The following FAM110C variants were observed in gnomAD, a reference collection of about 807,000 sequenced individuals.
The protein encoded by FAM110C is protein FAM110C.
A neutral mutation model predicts 15.7 loss-of-function variants in FAM110C; 19 were observed. That is an observed-to-expected ratio of 1.21 (90% CI 0.85 to 1.78). The LOEUF is 1.78. Among genes scored for constraint, FAM110C ranks in the 40% most tolerant of loss-of-function variants. The pLI, the probability that FAM110C is intolerant of heterozygous loss-of-function variation, is 0.00. For synonymous variants in FAM110C, 275 were observed against 233.9 expected (o/e 1.18, Z -1.61); for missense variants, 547 against 495.7 (o/e 1.10, Z -0.98).
intron 1 of FAM110C, chr2:42,131 C>T: frequency 1.0e-6 from 1 of 985,398 alleles, no homozygotes; most frequent in Non-Finnish European, 1.2e-6. Context: ...AAATGTGCTC[C>T]TAGTCGCATA....
chr2:42,700 T>C, intron 1 of FAM110C: 1 of 423,726 alleles, frequency 2.4e-6, no homozygotes, highest in South Asian at 9.9e-5. Context: ...TAAACGTATT[T>C]AGTTCTATTA....
intron 1 of FAM110C, chr2:43,994 A>G (rs1177098932): frequency 3.7e-5 from 36 of 985,404 alleles, no homozygotes; most frequent in Non-Finnish European, 4.1e-5. Flanking sequence ...AACATAAGAC[A>G]GGCCCTTAAT....
Position 46,111 on chromosome 2 carries a change from C to A in FAM110C, c.275G>T (p.Arg92Leu). The change falls in exon 1 of 2, where the codon CGG (arginine) becomes CTG (leucine). Residue 92 changes from arginine (R) to leucine (L), a missense_variant. Arg to Leu is a moderately radical substitution (Grantham distance 102). Transcript: ENST00000327669. ...CAGCGAGTCCGGTCTCAACGGCTTC[C>A]GCGCAATAGCCCTGCGCGCCACCGG... Reference protein sequence around the residue: ...PAPVARRAIARKPLRPDSLII... With the variant: ...PAPVARRAIALKPLRPDSLII... 2.0e-6 allele frequency: 3 copies of A among 1,497,812 alleles called. No individual in the cohort carries two copies. Among genetic ancestry groups the A allele is most frequent in the Admixed American group, 2.3e-5 (1 of 44,248 alleles). 92.8% of individuals were successfully genotyped at this position (1,497,812 alleles called of 1,614,324 possible).
rs1239624121 is a variant in FAM110C, at chr2:46,327, G to C, written c.59C>G (p.Pro20Arg). Residue 20 changes from proline (P) to arginine (R), a missense_variant, in exon 1 of 2, where the codon CCC becomes CGC. Transcript: ENST00000327669. Reference protein sequence around the residue: ...PPNERLLPRDPAATRDPDAAR... With the variant: ...PPNERLLPRDRAATRDPDAAR... ...GGCGTCGGGGTCCCGGGTAGCCGCG[G>C]GGTCCCGGGGAAGGAGCCGCTCGTT... 3.8e-6 allele frequency: 5 copies of C among 1,320,812 alleles called. No individual in the cohort carries two copies. Among genetic ancestry groups the C allele is most frequent in the Non-Finnish European group, 4.8e-6 (5 of 1,042,040 alleles). 81.8% of individuals were successfully genotyped at this position (1,320,812 alleles called of 1,614,324 possible). A position where few individuals can be genotyped will look rare whatever the true frequency, so the allele number is the denominator to read the frequency against.
intron 1 of FAM110C, 197 bp downstream of exon 1, chr2:45,243 G>T: frequency 1.0e-6 from 1 of 985,392 alleles, no homozygotes; most frequent in South Asian, 4.7e-5. Flanking sequence ...GCCTGGATTG[G>T]TACCTTCTGC....
At chr2:45,269 G>T (rs543791427) in intron 1 of FAM110C, 171 bp downstream of exon 1, 1 of 985,380 alleles carries the variant, frequency 1.0e-6, no homozygotes, top group East Asian at 1.1e-4. Flanking sequence ...AGCAGCGGGG[G>T]CTCAACTCAC....
rs962525452 is a variant in FAM110C at position 39,065 on chromosome 2, G to A, written c.*2543C>T. The A allele has an allele frequency of 2.0e-5, 3 of 152,216 alleles. No homozygotes were observed. Among genetic ancestry groups the A allele is most frequent in the African/African-American group, 4.8e-5 (2 of 41,518 alleles). 9.4% of individuals were successfully genotyped at this position (152,216 alleles called of 1,614,324 possible). ...CCAGTAGTTTAAAACATTCTATTAT[G>A]TTTAATTACATTTTGAAAAATTGTC... On this transcript the variant is annotated 3_prime_UTR_variant, in exon 2 of 2. Transcript: ENST00000327669.
Position 46,228 on chromosome 2 carries a change from C to T in FAM110C, c.158G>A (p.Gly53Glu), listed in dbSNP as rs758857104. Residue 53 changes from glycine to glutamate, a missense_variant, in exon 1 of 2, where the codon GGG becomes GAG. Physicochemically the swap from Gly to Glu is moderately conservative, Grantham distance 98. Coordinates refer to ENST00000327669, the MANE Select transcript of FAM110C (RefSeq NM_001077710.3). ...DRAKYVRGRP[G>E]TGRGVASEGS... is the part of the protein sequence containing the mutation. ...CTCGGAAGCGACGCCCCGGCCAGTC[C>T]CCGGCCGACCCCGCACATACTTGGC... The T allele has an allele frequency of 1.5e-5, 21 of 1,399,094 alleles. 1 individual carries two copies. In the South Asian group the frequency reaches 2.6e-4, roughly 18 times the overall value. 86.7% of individuals were successfully genotyped at this position (1,399,094 alleles called of 1,614,324 possible).
rs368675561 is a variant in FAM110C at position 45,622 on chromosome 2, G to A, written c.764C>T (p.Thr255Ile). Reference sequence around the variant, plus strand: ...GTGCCGGGAGAAGCCGCTGCCGGAGGTGGCGACGCTCACGCTGCGCACCTT... The same window carrying A: ...GTGCCGGGAGAAGCCGCTGCCGGAGATGGCGACGCTCACGCTGCGCACCTT... ...TLKVRSVSVA[T>I]SGSGFSRHSG... The change falls in exon 1 of 2, where the codon ACC (threonine) becomes ATC (isoleucine). Residue 255 changes from threonine (T) to isoleucine (I), a missense_variant. By Grantham distance (89) the Thr-to-Ile change is moderately conservative. Coordinates refer to ENST00000327669, the MANE Select transcript of FAM110C (RefSeq NM_001077710.3). 6.2e-7 allele frequency: 1 copy of A among 1,613,196 alleles called. No individual in the cohort carries two copies. The highest frequency in any genetic ancestry group is 1.7e-5 in the Admixed American group (1 of 59,976).
Position 46,452 on chromosome 2 carries a change from TC to T in FAM110C, c.-68del, listed in dbSNP as rs1664316894. The T allele has an allele frequency of 2.5e-6, 3 of 1,197,574 alleles. No individual in the cohort carries two copies. The highest frequency in any genetic ancestry group is 6.1e-5 in the South Asian group (2 of 32,668). 74.2% of individuals were successfully genotyped at this position (1,197,574 alleles called of 1,614,324 possible). A position where few individuals can be genotyped will look rare whatever the true frequency, so the allele number is the denominator to read the frequency against. On this transcript the variant is annotated 5_prime_UTR_variant, in exon 1 of 2. Coordinates refer to ENST00000327669, the MANE Select transcript of FAM110C (RefSeq NM_001077710.3). ...AGACGCGCTCGAGTGGTAGAGCCAGTCAGTCCCAGGGCCGGTTCCGAAGTCC... is the reference window on the plus strand; with the variant it reads ...AGACGCGCTCGAGTGGTAGAGCCAGTAGTCCCAGGGCCGGTTCCGAAGTCC...
chr2:38,964 C>A lies in FAM110C; in HGVS notation c.*2644G>T, dbSNP rs1664055994. ...TGTTTTCTGGCATCACCAATGATAA[C>A]CACAGTGCTGAACTTTGAACCAACT... On this transcript the variant is annotated 3_prime_UTR_variant, in exon 2 of 2. Transcript: ENST00000327669. The A allele has an allele frequency of 6.6e-6, 1 of 152,220 alleles. No homozygotes were observed. Among genetic ancestry groups the A allele is most frequent in the South Asian group, 2.1e-4 (1 of 4,832 alleles). The allele number at this position is 152,220 out of a possible 1,614,324, so 9.4% of individuals were successfully genotyped here.
chr2:39,785 T>C lies in FAM110C; in HGVS notation c.*1823A>G, dbSNP rs1664077279. On this transcript the variant is annotated 3_prime_UTR_variant, in exon 2 of 2. Transcript: ENST00000327669. ...TCTGACAGTAGAAAGGCATACACAC[T>C]TTTACTTAAAGCTTTCATATCTAAA... 6.6e-6 allele frequency: 1 copy of C among 152,210 alleles called. No homozygotes were observed. The highest frequency in any genetic ancestry group is 2.4e-5 in the African/African-American group (1 of 41,444). The allele number at this position is 152,210 out of a possible 1,614,324, so 9.4% of individuals were successfully genotyped here. A position where few individuals can be genotyped will look rare whatever the true frequency, so the allele number is the denominator to read the frequency against.
intron 1 of FAM110C, 34 bp downstream of exon 1, chr2:45,406 G>A (rs374470280): frequency 9.5e-6 from 15 of 1,575,858 alleles, no homozygotes; most frequent in Non-Finnish European, 8.6e-6. Flanking sequence ...CCCCGCACAC[G>A]GCCAGCCCCG....
At chr2:45,294 G>C in intron 1 of FAM110C, 146 bp downstream of exon 1, 10 of 1,426,670 alleles carry the variant, frequency 7.0e-6, no homozygotes, top group Non-Finnish European at 8.2e-6. Context: ...CTCTGCGTCA[G>C]TCTCTTGGGT....
chr2:39,966 A>G lies in FAM110C; in HGVS notation c.*1642T>C, dbSNP rs1290400060. On this transcript the variant is annotated 3_prime_UTR_variant, in exon 2 of 2. Coordinates refer to ENST00000327669, the MANE Select transcript of FAM110C (RefSeq NM_001077710.3). ...AGAGCAACCATTGGGGAAAATTCTT[A>G]GATCAGGGGACCTGCTGTCCTGACA... 6.6e-6 allele frequency: 1 copy of G among 152,202 alleles called. No homozygotes were observed. The highest frequency in any genetic ancestry group is 1.5e-5 in the Non-Finnish European group (1 of 68,044). The allele number at this position is 152,202 out of a possible 1,614,324, so 9.4% of individuals were successfully genotyped here.
chr2:42,324 AT>A, intron 1 of FAM110C: 1 of 985,378 alleles, frequency 1.0e-6, no homozygotes, highest in Non-Finnish European at 1.2e-6. Context: ...TTGTCCGAAC[AT>A]TTTTGCCTTG....
In FAM110C at chr2:40,082, T is replaced by G. The variant is rs1262617414; in HGVS notation, c.*1526A>C. ...CCATAGTACTGAGTACTGAATTGAG[T>G]GGCAAACACTCCACTTGCAGTCAAT... On this transcript the variant is annotated 3_prime_UTR_variant, in exon 2 of 2. Coordinates refer to ENST00000327669, the MANE Select transcript of FAM110C (RefSeq NM_001077710.3). 1.3e-5 allele frequency: 2 copies of G among 152,090 alleles called. No homozygotes were observed. Among genetic ancestry groups the G allele is most frequent in the African/African-American group, 4.8e-5 (2 of 41,412 alleles). The allele number at this position is 152,090 out of a possible 1,614,324, so 9.4% of individuals were successfully genotyped here. A position where few individuals can be genotyped will look rare whatever the true frequency, so the allele number is the denominator to read the frequency against.
At chr2:42,643 TCA>T (rs1201344167) in intron 1 of FAM110C, among the ~76,000 whole-genome samples, 1 of 152,230 alleles carries the variant, frequency 6.6e-6, no homozygotes, top group Non-Finnish European at 1.5e-5. Flanking sequence ...TGTGATAGTC[TCA>T]GTTTTGAAAA....
chr2:41,463 A>T lies in FAM110C; in HGVS notation c.*145T>A. 1.2e-6 allele frequency: 1 copy of T among 823,066 alleles called. No individual in the cohort carries two copies. The highest frequency in any genetic ancestry group is 1.9e-5 in the South Asian group (1 of 52,284). The allele number at this position is 823,066 out of a possible 1,614,324, so 51.0% of individuals were successfully genotyped here. A position where few individuals can be genotyped will look rare whatever the true frequency, so the allele number is the denominator to read the frequency against. On this transcript the variant is annotated 3_prime_UTR_variant, in exon 2 of 2. Coordinates refer to ENST00000327669, the MANE Select transcript of FAM110C (RefSeq NM_001077710.3). ...AGGTCTGTGTTCCCATATTCTCTGT[A>T]GTATTTTAAACCTTCTCAGAGCACT... is the stretch of plus-strand genomic sequence containing the variant.
Sources: allele counts gnomAD v4.1 joint callset (sites outside exome capture counted in the v4.1 genomes callset), GRCh38; gene constraint gnomAD v4.1.1; transcripts MANE v1.5; gene names NCBI Gene and HGNC (gene_info 2026-07-23, HGNC 2026-07-21).